Variants in MYO3A observed in about 807,000 individuals in gnomAD.
MYO3A encodes myosin IIIA.
In MYO3A, 180 loss-of-function variants were observed where a neutral mutation model predicts 192.7. The ratio of observed to expected loss-of-function variants is 0.93; its 90% CI spans 0.83 to 1.06. The LOEUF (loss-of-function observed/expected upper bound fraction) is 1.06. Among genes scored for constraint, MYO3A ranks in the 50% least tolerant of loss-of-function variants. The probability of loss-of-function intolerance (pLI) is 0.00; values close to 1 mark genes in which losing one functional copy is unlikely to be tolerated. For synonymous variants in MYO3A, 628 were observed against 645.3 expected (o/e 0.97, Z 0.41); for missense variants, 1,896 against 1,905.0 (o/e 1.00, Z 0.09).
intron 4 of MYO3A, among the ~76,000 whole-genome samples, chr10:25,993,767 T>C (rs1840222001): frequency 6.6e-6 from 1 of 152,238 alleles, no homozygotes; most frequent in Non-Finnish European, 1.5e-5. Flanking sequence ...CATTTCATTA[T>C]GTACCCAGTT....
chr10:26,025,222 T>A (rs2131107564), intron 9 of MYO3A, among the ~76,000 whole-genome samples: 1 of 152,294 alleles, frequency 6.6e-6, no homozygotes, highest in African/African-American at 2.4e-5. Flanking sequence ...CGGGGAAATA[T>A]ATTTTTGGTT....
chr10:26,097,987 A>G (rs963582084), intron 17 of MYO3A, among the ~76,000 whole-genome samples: 1 of 152,192 alleles, frequency 6.6e-6, no homozygotes, highest in Non-Finnish European at 1.5e-5. Context: ...TTGAGGAATC[A>G]CCACACTGTT....
At chr10:26,053,478 C>A (rs924483278) in intron 10 of MYO3A, among the ~76,000 whole-genome samples, 2 of 152,054 alleles carry the variant, frequency 1.3e-5, no homozygotes, top group Non-Finnish European at 2.9e-5. Context: ...CCAGACAATA[C>A]ATATAAAAAG....
At chr10:26,092,843 C>G (rs573790686) in intron 15 of MYO3A, among the ~76,000 whole-genome samples, 272 of 152,318 alleles carry the variant, frequency 1.8e-3, no homozygotes, top group African/African-American at 6.3e-3. Context: ...GTGTGGGATA[C>G]TGTAGTGCTC....
At chr10:26,023,992 A>G in intron 8 of MYO3A, 30 bp from the exon 9 acceptor site, 1 of 1,592,134 alleles carries the variant, frequency 6.3e-7, no homozygotes, top group Non-Finnish European at 8.6e-7. Flanking sequence ...ACCAATATAC[A>G]GAATCCAACA....
At chr10:26,018,252 TAC>T in intron 7 of MYO3A, among the ~76,000 whole-genome samples, 1 of 152,184 alleles carries the variant, frequency 6.6e-6, no homozygotes, top group African/African-American at 2.4e-5. Flanking sequence ...AAAGGTTCAC[TAC>T]AGTTTTTTTC....
chr10:26,058,297 GT>G (rs762173454), intron 10 of MYO3A, among the ~76,000 whole-genome samples: 1 of 151,812 alleles, frequency 6.6e-6, no homozygotes, highest in African/African-American at 2.4e-5. Flanking sequence ...TTTCTTCCAT[GT>G]TTTTTTCATG....
intron 2 of MYO3A, among the ~76,000 whole-genome samples, chr10:25,951,889 C>T (rs972395635): frequency 1.3e-5 from 2 of 152,050 alleles, no homozygotes; most frequent in Non-Finnish European, 2.9e-5. Context: ...AAATAAAGCC[C>T]TGCTTACAAA....
intron 4 of MYO3A, among the ~76,000 whole-genome samples, chr10:25,990,435 T>G (rs1331889515): frequency 1.3e-5 from 2 of 151,978 alleles, no homozygotes; most frequent in Non-Finnish European, 2.9e-5. Context: ...AAGCCCTAGA[T>G]CCTAAAATTT....
chr10:26,191,072 C>A (rs932006547), intron 31 of MYO3A, among the ~76,000 whole-genome samples: 3 of 152,094 alleles, frequency 2.0e-5, no homozygotes, highest in Admixed American at 2.0e-4. Flanking sequence ...TAGTCACATA[C>A]CACATTCATG....
At chr10:26,163,154 A>G (rs922556682) in intron 26 of MYO3A, among the ~76,000 whole-genome samples, 4 of 152,192 alleles carry the variant, frequency 2.6e-5, no homozygotes, top group African/African-American at 9.7e-5. Flanking sequence ...GGGAGCTTGC[A>G]TGGTAGTCAT....
chr10:26,121,388 GTTATT>G (rs750848180), intron 18 of MYO3A, among the ~76,000 whole-genome samples: 1 of 151,992 alleles, frequency 6.6e-6, no homozygotes, highest in Non-Finnish European at 1.5e-5. Context: ...AGTATGCCCT[GTTATT>G]TTATTTTTAA....
intron 10 of MYO3A, among the ~76,000 whole-genome samples, chr10:26,030,153 T>C (rs948513890): frequency 2.0e-5 from 3 of 152,192 alleles, no homozygotes; most frequent in African/African-American, 7.2e-5. Flanking sequence ...AAGGCCTTCA[T>C]TGTGAATGTG....
At chr10:26,038,509 G>A (rs1337000603) in intron 10 of MYO3A, among the ~76,000 whole-genome samples, 1 of 152,064 alleles carries the variant, frequency 6.6e-6, no homozygotes, top group Non-Finnish European at 1.5e-5. Context: ...TTTGTTGTTG[G>A]CATATAGAAA....
At chr10:26,128,954 A>G (rs1839382153) in intron 20 of MYO3A, among the ~76,000 whole-genome samples, 1 of 152,334 alleles carries the variant, frequency 6.6e-6, no homozygotes, top group African/African-American at 2.4e-5. Flanking sequence ...GCAACAGAAT[A>G]TAAGATAATG....
intron 4 of MYO3A, among the ~76,000 whole-genome samples, chr10:25,962,712 G>A (rs563680301): frequency 3.3e-5 from 5 of 152,132 alleles, no homozygotes; most frequent in Non-Finnish European, 7.4e-5. Context: ...TATCAAGCGT[G>A]GAGGGGAGCT....
chr10:25,952,387 G>A (rs768223579), intron 3 of MYO3A, 109 bp downstream of exon 3: 31 of 1,214,266 alleles, frequency 2.6e-5, no homozygotes, highest in Middle Eastern at 5.7e-4. Flanking sequence ...TCTAAAACAG[G>A]TTACAATTTG....
intron 10 of MYO3A, among the ~76,000 whole-genome samples, chr10:26,055,270 A>G (rs778147358): frequency 6.6e-6 from 1 of 152,146 alleles, no homozygotes; most frequent in Non-Finnish European, 1.5e-5. Flanking sequence ...CTCTTTATCC[A>G]GTTTCTGCTC....
Position 26,009,446 on chromosome 10 carries a change from C to T in MYO3A, c.509-7374C>T, listed in dbSNP as rs191403432. ...AAAAGCAGTCTCACAAATGAGAGAG[C>T]AGGCCCAAGGGGACTGGAACTGGGA... On this transcript the variant is annotated intron_variant, in intron 6 of 34. Transcript: ENST00000642920. Among the ~76,000 whole-genome samples the T allele has an allele frequency of 1.2e-3, 176 of 152,264 alleles. 1 individual carries two copies. The highest frequency in any genetic ancestry group is 4.1e-3 in the African/African-American group (171 of 41,542).
Sources: allele counts gnomAD v4.1 joint callset (sites outside exome capture counted in the v4.1 genomes callset), GRCh38; gene constraint gnomAD v4.1.1; transcripts MANE v1.5; gene names NCBI Gene and HGNC (gene_info 2026-07-23, HGNC 2026-07-21).